The following LRBA variants were observed in gnomAD, a reference collection of about 807,000 sequenced individuals.
LRBA encodes lipopolysaccharide-responsive and beige-like anchor protein.
LRBA carries 176 observed loss-of-function variants against 330.0 expected under a neutral mutation model. The ratio of observed to expected loss-of-function variants is 0.53; its 90% CI spans 0.47 to 0.60. The LOEUF (loss-of-function observed/expected upper bound fraction) is 0.60. Among genes scored for constraint, LRBA ranks in the 20% least tolerant of loss-of-function variants. The pLI is 0.00. For missense variants in LRBA, 3,259 were observed against 3,444.8 expected, an observed-to-expected ratio of 0.95 and a Z score of 1.35; for synonymous variants, 1,230 against 1,193.0, an observed-to-expected ratio of 1.03 and a Z score of -0.64.
intron 31 of LRBA, among the ~76,000 whole-genome samples, chr4:150,816,067 A>C (rs1420505095): frequency 6.6e-6 from 1 of 151,992 alleles, no homozygotes; most frequent in East Asian, 1.9e-4. Flanking sequence ...CAAGGAAAAA[A>C]ATTCCCAGCT....
At chr4:150,615,558 C>A (rs959837266) in intron 37 of LRBA, among the ~76,000 whole-genome samples, 1 of 151,928 alleles carries the variant, frequency 6.6e-6, no homozygotes. Flanking sequence ...AGAGGAGGCA[C>A]TGATATTACA....
At position 150,916,685 on chromosome 4, in the gene LRBA, A is replaced by T; in HGVS notation, c.699T>A (p.Phe233Leu). 6.3e-7 allele frequency: 1 copy of T among 1,599,908 alleles called. No homozygotes were observed. Among genetic ancestry groups the T allele is most frequent in the East Asian group, 2.2e-5 (1 of 44,740 alleles). The change falls in exon 6 of 57, where the codon TTT becomes TTA. Residue 233 changes from phenylalanine to leucine, a missense_variant. Coordinates refer to ENST00000651943, the MANE Select transcript of LRBA (RefSeq NM_001364905.1). The stretch of plus-strand genomic sequence containing the variant: ...CAGGATCCATTCTAAGCCATGTATG[A>T]AATGTAAAACCATTCTGGTATGGCC... ...AKWPYQNGFT[F>L]HTWLRMDPVN...
intron 17 of LRBA, among the ~76,000 whole-genome samples, chr4:150,881,566 T>G (rs1728385014): frequency 6.6e-6 from 1 of 152,174 alleles, no homozygotes; most frequent in South Asian, 2.1e-4. Flanking sequence ...TATTGAGTGC[T>G]ATACTCAGTA....
At chr4:150,726,308 T>C (rs1340939032) in intron 36 of LRBA, among the ~76,000 whole-genome samples, 1 of 152,160 alleles carries the variant, frequency 6.6e-6, no homozygotes, top group Non-Finnish European at 1.5e-5. Flanking sequence ...AAAACAGATA[T>C]TCCAAGTCAG....
intron 47 of LRBA, among the ~76,000 whole-genome samples, chr4:150,364,941 TAAA>T (rs755484761): frequency 4.1e-4 from 63 of 151,878 alleles, no homozygotes; most frequent in Non-Finnish European, 5.6e-4. Flanking sequence ...TAAAATATCA[TAAA>T]AATGTATATC....
At chr4:150,313,140 C>T (rs1406803654) in intron 51 of LRBA, among the ~76,000 whole-genome samples, 1 of 151,732 alleles carries the variant, frequency 6.6e-6, no homozygotes, top group Admixed American at 6.6e-5. Context: ...ATAGGGTAAT[C>T]AATTTTTTAA....
intron 44 of LRBA, among the ~76,000 whole-genome samples, chr4:150,445,377 CTA>C (rs10552819): frequency 0.25 from 18,979 of 76,286 alleles, 2,178 homozygotes; most frequent in Non-Finnish European, 0.34. Context: ...CTCTCTCTCT[CTA>C]TATATATATA....
chr4:150,861,534 A>G (rs1751939495), intron 22 of LRBA, among the ~76,000 whole-genome samples: 1 of 152,206 alleles, frequency 6.6e-6, no homozygotes, highest in Admixed American at 6.5e-5. Flanking sequence ...TACCTACATA[A>G]GGCATTTACC....
In LRBA at chr4:150,821,087, T is replaced by C. The variant is rs78153341; in HGVS notation, c.5172-3830A>G. Among the ~76,000 whole-genome samples the C allele has an allele frequency of 7.7e-3, 1,176 of 152,236 alleles. 12 individuals are homozygous for C. The highest frequency in any genetic ancestry group is 0.027 in the African/African-American group (1,121 of 41,572). On this transcript the variant is annotated intron_variant, in intron 30 of 56. Transcript: ENST00000651943. ...TCTCAGGCTACAGCTTAAGTTTCTATTTAAGAAACAAATTGAAATCTTTTT... is the reference window on the plus strand; with the variant it reads ...TCTCAGGCTACAGCTTAAGTTTCTACTTAAGAAACAAATTGAAATCTTTTT...
intron 48 of LRBA, among the ~76,000 whole-genome samples, chr4:150,328,328 T>C (rs1561020721): frequency 6.6e-6 from 1 of 152,156 alleles, no homozygotes; most frequent in Non-Finnish European, 1.5e-5. Flanking sequence ...AGCCTAAGAA[T>C]GGCTCTGAGG....
At chr4:150,757,993 G>A (rs1015913021) in intron 35 of LRBA, among the ~76,000 whole-genome samples, 6 of 152,152 alleles carry the variant, frequency 3.9e-5, no homozygotes, top group Admixed American at 3.3e-4. Flanking sequence ...CTATGAAAAT[G>A]ATAACAGATG....
intron 40 of LRBA, among the ~76,000 whole-genome samples, chr4:150,559,429 T>C (rs893124706): frequency 1.3e-5 from 2 of 149,048 alleles, no homozygotes; most frequent in Admixed American, 6.9e-5. Context: ...GGTGTGGTGG[T>C]GCATGCTGGT....
intron 37 of LRBA, among the ~76,000 whole-genome samples, chr4:150,664,098 A>G (rs1189852533): frequency 2.6e-5 from 4 of 152,212 alleles, no homozygotes; most frequent in Non-Finnish European, 5.9e-5. Context: ...CAAGCCTTGA[A>G]TGTCATGTCT....
chr4:150,837,420 G>C (rs1468210815), intron 28 of LRBA, among the ~76,000 whole-genome samples: 3 of 152,112 alleles, frequency 2.0e-5, no homozygotes, highest in Non-Finnish European at 2.9e-5. Context: ...TTATTATTGT[G>C]TGGGAGTCTA....
At chr4:150,616,154 T>A (rs1020200308) in intron 37 of LRBA, among the ~76,000 whole-genome samples, 1 of 151,778 alleles carries the variant, frequency 6.6e-6, no homozygotes. Context: ...AATATAAGAG[T>A]GTGGAGTTCA....
intron 56 of LRBA, among the ~76,000 whole-genome samples, chr4:150,272,471 GA>G (rs1270657002): frequency 4.6e-5 from 7 of 151,884 alleles, no homozygotes; most frequent in African/African-American, 1.5e-4. Flanking sequence ...AACAGTTTGA[GA>G]AATTAACAGA....
chr4:150,842,500 T>G (rs1396778564), intron 28 of LRBA, among the ~76,000 whole-genome samples: 1 of 152,134 alleles, frequency 6.6e-6, no homozygotes, highest in Non-Finnish European at 1.5e-5. Context: ...TATAAAGTTA[T>G]GGACAATAGA....
intron 40 of LRBA, among the ~76,000 whole-genome samples, chr4:150,520,117 G>A (rs191179187): frequency 2.0e-5 from 3 of 152,146 alleles, no homozygotes; most frequent in African/African-American, 7.2e-5. Flanking sequence ...CCAGTTTGAG[G>A]CTTGCCTAAT....
At chr4:150,475,363 T>C (rs1304216774) in intron 42 of LRBA, among the ~76,000 whole-genome samples, 1 of 152,220 alleles carries the variant, frequency 6.6e-6, no homozygotes, top group Non-Finnish European at 1.5e-5. Context: ...ATATCATTTC[T>C]AGTTTAAATA....
Sources: gnomAD v4.1 joint callset for allele counts (sites outside exome capture counted in the v4.1 genomes callset) on GRCh38, gnomAD v4.1.1 for gene constraint, MANE v1.5 for transcripts, NCBI Gene and HGNC (gene_info 2026-07-23, HGNC 2026-07-21) for gene names.